CCSER1: variants seen among roughly 807,000 people sequenced by gnomAD.
CCSER1 encodes coiled-coil serine rich protein 1, also known as serine-rich coiled-coil domain-containing protein 1.
CCSER1 carries 41 observed loss-of-function variants against 82.0 expected under a neutral mutation model. The observed-to-expected ratio is 0.50, with a 90% confidence interval of 0.39 to 0.65. The LOEUF is 0.65. Among genes scored for constraint, CCSER1 ranks in the 30% least tolerant of loss-of-function variants. The pLI is 0.00. For synonymous variants in CCSER1, 414 were observed against 383.9 expected, an observed-to-expected ratio of 1.08 and a Z score of -0.92; for missense variants, 1,119 against 1,064.2, an observed-to-expected ratio of 1.05 and a Z score of -0.72.
At chr4:90,607,468 G>T (rs543443813) in intron 5 of CCSER1, among the ~76,000 whole-genome samples, 2 of 152,216 alleles carry the variant, frequency 1.3e-5, no homozygotes, top group African/African-American at 4.8e-5. Flanking sequence ...GACAGAGCTG[G>T]TTCCTTCTGA....
In CCSER1 at chr4:91,600,489, CAG is replaced by C. The variant is rs749885969; in HGVS notation, c.*1434_*1435del. On this transcript the variant is annotated 3_prime_UTR_variant, in exon 11 of 11. Coordinates refer to ENST00000509176, the MANE Select transcript of CCSER1 (RefSeq NM_001145065.2). ...GATCTGTTTCCCTTGCATTTTCTAA[CAG>C]AATCTGTCAGCGTGCACAAGCAAGA... 1.3e-5 allele frequency: 2 copies of C among 152,132 alleles called. No homozygotes were observed. The highest frequency in any genetic ancestry group is 2.4e-5 in the African/African-American group (1 of 41,452). The allele number at this position is 152,132 out of a possible 1,614,324, so 9.4% of individuals were successfully genotyped here.
intron 9 of CCSER1, among the ~76,000 whole-genome samples, chr4:91,050,534 GT>G (rs893631783): frequency 3.3e-5 from 5 of 151,966 alleles, no homozygotes; most frequent in African/African-American, 1.2e-4. Flanking sequence ...ATGCCTTTCC[GT>G]GTCACAAATC....
chr4:91,181,301 A>C (rs1366209289), intron 10 of CCSER1, among the ~76,000 whole-genome samples: 1 of 152,218 alleles, frequency 6.6e-6, no homozygotes, highest in Non-Finnish European at 1.5e-5. Flanking sequence ...ACCCAAAGAC[A>C]ATACAGATTA....
At chr4:91,214,238 G>A (rs973841821) in intron 10 of CCSER1, among the ~76,000 whole-genome samples, 1 of 152,076 alleles carries the variant, frequency 6.6e-6, no homozygotes, top group African/African-American at 2.4e-5. Context: ...GTTATCTCCA[G>A]TTCGATAATC....
rs1219422107 is a variant in CCSER1, at chr4:90,571,202, C to CTGA, written c.1725-56823_1725-56822insTGA. Among the ~76,000 whole-genome samples the CTGA allele has an allele frequency of 1.5e-4, 23 of 152,266 alleles. No homozygotes were observed. The East Asian group carries it at 3.9e-3, about 26-fold the overall frequency. ...CTCAAAGAACTAAAAATAGAACAACCATTCAACCCAGCTATCTCATTACTG... is the reference window on the plus strand; with the variant it reads ...CTCAAAGAACTAAAAATAGAACAACCTGAATTCAACCCAGCTATCTCATTACTG... On this transcript the variant is annotated intron_variant, in intron 5 of 10. Transcript: ENST00000509176.
At position 90,543,216 on chromosome 4, in the gene CCSER1, C is replaced by A. The variant is rs372594964; in HGVS notation, c.1724+74862C>A. Among the ~76,000 whole-genome samples, 3 of 152,056 alleles carry A rather than the reference C, an allele frequency of 2.0e-5. No individual in the cohort carries two copies. In the East Asian group the frequency reaches 5.8e-4, roughly 29 times the overall value. ...ATTATAATAGCCATATATAGAGAGA[C>A]CTTACATGGAGCCGAAAGAATATAT... On this transcript the variant is annotated intron_variant, in intron 5 of 10. Transcript: ENST00000509176.
At chr4:91,208,427 A>G (rs945049970) in intron 10 of CCSER1, among the ~76,000 whole-genome samples, 2 of 151,478 alleles carry the variant, frequency 1.3e-5, no homozygotes, top group Non-Finnish European at 3.0e-5. Flanking sequence ...AAGTGGTCCT[A>G]TTTTACTCTT....
At chr4:91,149,804 T>C (rs959328492) in intron 10 of CCSER1, among the ~76,000 whole-genome samples, 5 of 152,196 alleles carry the variant, frequency 3.3e-5, no homozygotes, top group African/African-American at 9.7e-5. Context: ...TGTGATATGA[T>C]TTCTGAGGGC....
At chr4:91,427,052 T>C (rs887654553) in intron 10 of CCSER1, among the ~76,000 whole-genome samples, 1 of 152,150 alleles carries the variant, frequency 6.6e-6, no homozygotes, top group African/African-American at 2.4e-5. Flanking sequence ...TATTCAACTC[T>C]AGCAGCTAGT....
Position 90,783,790 on chromosome 4 carries a change from G to T in CCSER1, c.2011-31972G>T, listed in dbSNP as rs115425901. 4.1e-3 allele frequency among the ~76,000 whole-genome samples: 629 copies of T among 152,188 alleles called. 4 individuals carry two copies. Among genetic ancestry groups the T allele is most frequent in the African/African-American group, 0.015 (606 of 41,514 alleles). ...ACTGTGATGGTTAATTTTATAATATGTGCCAATTTAATACACTAAGAAAGA... is the reference window on the plus strand; with the variant it reads ...ACTGTGATGGTTAATTTTATAATATTTGCCAATTTAATACACTAAGAAAGA... On this transcript the variant is annotated intron_variant, in intron 7 of 10. Coordinates refer to ENST00000509176, the MANE Select transcript of CCSER1 (RefSeq NM_001145065.2).
At chr4:90,397,732 G>T (rs575287402) in intron 3 of CCSER1, among the ~76,000 whole-genome samples, 4 of 152,236 alleles carry the variant, frequency 2.6e-5, no homozygotes, top group Middle Eastern at 3.4e-3. Flanking sequence ...AAGGAGTTTG[G>T]CTCATATAAG....
intron 10 of CCSER1, among the ~76,000 whole-genome samples, chr4:91,387,901 C>CT (rs1489563817): frequency 1.3e-5 from 2 of 151,948 alleles, no homozygotes; most frequent in Non-Finnish European, 2.9e-5. Context: ...CTATTGTTTT[C>CT]TATAGGACTT....
chr4:91,567,529 C>G (rs1206018482), intron 10 of CCSER1, among the ~76,000 whole-genome samples: 1 of 152,052 alleles, frequency 6.6e-6, no homozygotes, highest in Non-Finnish European at 1.5e-5. Context: ...CTTTGTAGAT[C>G]TCTAAGAACT....
chr4:90,910,378 A>G (rs952872089), intron 8 of CCSER1, among the ~76,000 whole-genome samples: 1 of 152,246 alleles, frequency 6.6e-6, no homozygotes, highest in Non-Finnish European at 1.5e-5. Context: ...TTATCTGGGT[A>G]CAAGTATTCC....
intron 9 of CCSER1, among the ~76,000 whole-genome samples, chr4:91,081,400 A>G (rs1722722535): frequency 6.6e-6 from 1 of 152,192 alleles, no homozygotes. Flanking sequence ...TTAGGTATTC[A>G]TGGGACATAT....
At chr4:91,434,227 G>T (rs1170454777) in intron 10 of CCSER1, among the ~76,000 whole-genome samples, 3 of 151,704 alleles carry the variant, frequency 2.0e-5, no homozygotes, top group Admixed American at 2.0e-4. Flanking sequence ...TGGAATCGCT[G>T]GTATTTTTGG....
intron 5 of CCSER1, among the ~76,000 whole-genome samples, chr4:90,615,525 G>A (rs1200770723): frequency 6.6e-6 from 1 of 152,068 alleles, no homozygotes; most frequent in East Asian, 1.9e-4. Flanking sequence ...GACTTCAAGG[G>A]GTTCAAGACT....
chr4:91,587,145 T>C (rs550469146), intron 10 of CCSER1, among the ~76,000 whole-genome samples: 13 of 151,814 alleles, frequency 8.6e-5, no homozygotes, highest in Admixed American at 4.6e-4. Flanking sequence ...ATCTATAGAG[T>C]TGATTTCTTA....
At position 91,156,862 on chromosome 4, in the gene CCSER1, C is replaced by T. The variant is rs34986002; in HGVS notation, c.2217+70868C>T. ...TTTTGGGTTATTATTCCTTTTCCTGCATTTTCACCTTATTCCTGCTAATAA... is the reference window on the plus strand; with the variant it reads ...TTTTGGGTTATTATTCCTTTTCCTGTATTTTCACCTTATTCCTGCTAATAA... On this transcript the variant is annotated intron_variant, in intron 10 of 10. Transcript: ENST00000509176. Among the ~76,000 whole-genome samples the T allele has an allele frequency of 1.1e-3, 160 of 152,028 alleles. 5 individuals carry two copies. The highest frequency in any genetic ancestry group is 1.9e-3 in the Non-Finnish European group (132 of 67,892).
Sources: allele counts gnomAD v4.1 joint callset (sites outside exome capture counted in the v4.1 genomes callset), GRCh38; gene constraint gnomAD v4.1.1; transcripts MANE v1.5; gene names NCBI Gene and HGNC (gene_info 2026-07-23, HGNC 2026-07-21).